The following CHM variants were observed in gnomAD, a reference collection of about 807,000 sequenced individuals.
CHM encodes CHM Rab escort protein.
Under a neutral mutation model 49.0 loss-of-function variants are expected in CHM, and 10 were observed. The observed-to-expected ratio is 0.20, with a 90% CI of 0.13 to 0.35. CHM has a LOEUF of 0.35. Among genes scored for constraint, CHM ranks in the 10% least tolerant of loss-of-function variants. CHM has a pLI of 1.00. For synonymous variants in CHM, 184 were observed against 167.5 expected, an observed-to-expected ratio of 1.10 and a Z score of -0.76; for missense variants, 455 against 478.4, an observed-to-expected ratio of 0.95 and a Z score of 0.46.
At chrX:85,906,457 T>C (rs769056008) in intron 9 of CHM, among the ~76,000 whole-genome samples, 7 of 112,032 alleles carry the variant, frequency 6.2e-5, no homozygotes, top group South Asian at 7.5e-4. Context: ...TTAATACTTA[T>C]AATAACCCTA....
At chrX:85,904,073 T>G (rs1420194575) in intron 9 of CHM, among the ~76,000 whole-genome samples, 4 of 111,955 alleles carry the variant, frequency 3.6e-5, no homozygotes, top group Non-Finnish European at 7.5e-5. Context: ...AATTTAGTCT[T>G]TGTATTATAA....
At position 85,888,651 on chromosome X, in the gene CHM, C is replaced by A. The variant is rs994042016; in HGVS notation, c.1510+5537G>T. Among the ~76,000 whole-genome samples, 16 of 111,474 alleles carry A rather than the reference C, an allele frequency of 1.4e-4. No individual in the cohort carries two copies. The East Asian group carries it at 4.5e-3, about 32-fold the overall frequency. ...TGGGTTTTCTTTTTGTATCATATAT[C>A]TCCAAGTAAGAGCCATAGAAACTGA... On this transcript the variant is annotated intron_variant, in intron 12 of 14. Coordinates refer to ENST00000357749, the MANE Select transcript of CHM (RefSeq NM_000390.4).
At chrX:86,004,745 G>A (rs1382078040) in intron 2 of CHM, among the ~76,000 whole-genome samples, 1 of 111,478 alleles carries the variant, frequency 9.0e-6, no homozygotes, top group Non-Finnish European at 1.9e-5. Context: ...AAACACAGGA[G>A]GACCCAGATG....
At chrX:85,870,119 T>G (rs1303930538) in intron 14 of CHM, among the ~76,000 whole-genome samples, 1 of 111,626 alleles carries the variant, frequency 9.0e-6, no homozygotes, top group Non-Finnish European at 1.9e-5. Flanking sequence ...ATGGGGCCTC[T>G]GGACAAGTTA....
chrX:85,944,984 C>T (rs1230892026), intron 8 of CHM, among the ~76,000 whole-genome samples: 1 of 111,712 alleles, frequency 9.0e-6, no homozygotes, highest in African/African-American at 3.3e-5. Flanking sequence ...TTTGCAGGAA[C>T]ATGGATGGAG....
At chrX:85,872,914 GA>G in intron 14 of CHM, 137 bp downstream of exon 14, 1 of 509,636 alleles carries the variant, frequency 2.0e-6, no homozygotes, top group South Asian at 3.9e-5. Flanking sequence ...GTAGGTCATA[GA>G]AAAAACTTTT....
intron 2 of CHM, among the ~76,000 whole-genome samples, chrX:85,991,050 G>A (rs1463108804): frequency 8.9e-6 from 1 of 111,755 alleles, no homozygotes; most frequent in Non-Finnish European, 1.9e-5. Context: ...TAGCTAATGG[G>A]ATCCAAGGTT....
At chrX:85,903,519 T>C in intron 9 of CHM, 2 of 375,295 alleles carry the variant, frequency 5.3e-6, no homozygotes, top group Non-Finnish European at 1.1e-5. Flanking sequence ...AAAAGGCAAG[T>C]ATGGGGGTTT....
intron 2 of CHM, among the ~76,000 whole-genome samples, chrX:85,996,000 C>T (rs756511240): frequency 1.8e-5 from 2 of 112,092 alleles, no homozygotes; most frequent in South Asian, 3.7e-4. Context: ...AGTGAAGTTA[C>T]GTTTACTTTA....
intron 1 of CHM, among the ~76,000 whole-genome samples, chrX:86,042,142 A>G (rs1011889767): frequency 9.0e-6 from 1 of 111,230 alleles, no homozygotes; most frequent in African/African-American, 3.3e-5. Context: ...GCTGCCAGTC[A>G]AGGTTAACTA....
At chrX:85,906,700 G>C (rs1295231746) in intron 9 of CHM, among the ~76,000 whole-genome samples, 1 of 112,083 alleles carries the variant, frequency 8.9e-6, no homozygotes, top group African/African-American at 3.2e-5. Context: ...CAGACGTTAA[G>C]TATCCAGAAT....
intron 13 of CHM, among the ~76,000 whole-genome samples, chrX:85,877,904 T>G (rs367605757): frequency 9.0e-6 from 1 of 111,178 alleles, no homozygotes; most frequent in East Asian, 2.8e-4. Context: ...AAAAGTAACA[T>G]GCAAAGAAAA....
chrX:85,873,665 T>C (rs762981560), intron 13 of CHM, among the ~76,000 whole-genome samples: 1 of 111,173 alleles, frequency 9.0e-6, no homozygotes, highest in South Asian at 3.8e-4. Context: ...CTAATTGGTA[T>C]GACGTTTCTT....
At chrX:85,912,821 C>G (rs1927112620) in intron 8 of CHM, among the ~76,000 whole-genome samples, 2 of 108,723 alleles carry the variant, frequency 1.8e-5, no homozygotes, top group African/African-American at 6.7e-5. Flanking sequence ...TAAGACCAGC[C>G]TGGCTAACAT....
chrX:85,969,050 A>T (rs1469530651), intron 4 of CHM: 5 of 651,360 alleles, frequency 7.7e-6, no homozygotes, highest in Non-Finnish European at 7.3e-6. Flanking sequence ...TATAATTTTT[A>T]AGTGGAAATT....
intron 1 of CHM, among the ~76,000 whole-genome samples, chrX:86,031,229 G>T (rs113359583): frequency 0.016 from 1,752 of 111,593 alleles, 33 homozygotes; most frequent in African/African-American, 0.054. Flanking sequence ...TATGAAAGAA[G>T]AATAATTTCT....
At chrX:85,899,329 A>C (rs1454498307) in intron 11 of CHM, among the ~76,000 whole-genome samples, 2 of 111,424 alleles carry the variant, frequency 1.8e-5, no homozygotes, top group Non-Finnish European at 3.8e-5. Flanking sequence ...CATGTGTGGA[A>C]ATACATTCAA....
At chrX:86,007,544 G>T (rs1355807368) in intron 2 of CHM, among the ~76,000 whole-genome samples, 1 of 111,579 alleles carries the variant, frequency 9.0e-6, no homozygotes, top group African/African-American at 3.3e-5. Context: ...AATCTACAAA[G>T]AACTCAAACA....
rs145088557 is a variant in CHM at position 85,978,876 on chromosome X, C to G, written c.205G>C (p.Val69Leu). The change falls in exon 4 of 15, where the codon GTA becomes CTA. Residue 69 changes from valine to leucine, a missense_variant. Val to Leu is a conservative substitution (Grantham distance 32). Transcript: ENST00000357749. ...TCTTGCCACACTGGACTGTCACTTA[C>G]AATGTCACTGTTTTCCTAAACAAAA... Reference protein sequence around the residue: ...LKEYQENSDIVSDSPVWQDQI... With the variant: ...LKEYQENSDILSDSPVWQDQI... 124 of 1,204,342 alleles carry G rather than the reference C, an allele frequency of 1.0e-4. No homozygotes were observed. The African/African-American group carries it at 1.7e-3, about 16-fold the overall frequency.
Sources: gnomAD v4.1 joint callset for allele counts (sites outside exome capture counted in the v4.1 genomes callset) on GRCh38, gnomAD v4.1.1 for gene constraint, MANE v1.5 for transcripts, NCBI Gene and HGNC (gene_info 2026-07-23, HGNC 2026-07-21) for gene names.